The following SH3RF3 variants were observed in gnomAD, a reference collection of about 807,000 sequenced individuals.
SH3RF3 encodes SH3 domain containing ring finger 3.
In SH3RF3, 29 loss-of-function variants were observed where a neutral mutation model predicts 66.3. The ratio of observed to expected loss-of-function variants is 0.44; its 90% confidence interval spans 0.33 to 0.60. The LOEUF (loss-of-function observed/expected upper bound fraction) is 0.60. Among genes scored for constraint, SH3RF3 ranks in the 20% least tolerant of loss-of-function variants. The pLI is 0.04. For missense variants in SH3RF3, 1,194 were observed against 1,190.9 expected (o/e 1.00, Z -0.04); for synonymous variants, 583 against 532.0 (o/e 1.10, Z -1.32).
intron 1 of SH3RF3, among the ~76,000 whole-genome samples, chr2:109,235,711 C>T (rs192454801): frequency 1.3e-3 from 201 of 152,336 alleles, no homozygotes; most frequent in African/African-American, 4.4e-3. Flanking sequence ...GGTGTGCAGT[C>T]GAGGCATCCC....
chr2:109,274,147 ATCT>A (rs1680693652), intron 1 of SH3RF3, among the ~76,000 whole-genome samples: 1 of 152,230 alleles, frequency 6.6e-6, no homozygotes, highest in Admixed American at 6.5e-5. Context: ...AGTTCTGGAA[ATCT>A]TCTAGGATCT....
At position 109,475,535 on chromosome 2, in the gene SH3RF3, G is replaced by A. The variant is rs943835601; in HGVS notation, c.2149-15070G>A. Among the ~76,000 whole-genome samples the A allele has an allele frequency of 1.1e-4, 16 of 152,210 alleles. 1 individual carries two copies. The highest frequency in any genetic ancestry group is 6.3e-3 in the Middle Eastern group (2 of 316). ...TTCTGCCTCATACAGTTGGCTGTGG[G>A]TGGGGACAGGGACATATGCCACAGA... On this transcript the variant is annotated intron_variant, in intron 8 of 9. Transcript: ENST00000309415.
chr2:109,233,343 G>C (rs1169477854), intron 1 of SH3RF3, among the ~76,000 whole-genome samples: 1 of 152,166 alleles, frequency 6.6e-6, no homozygotes, highest in Non-Finnish European at 1.5e-5. Flanking sequence ...AGAGTGGGAA[G>C]ATAATCTTCC....
chr2:109,268,207 A>G (rs894942734), intron 1 of SH3RF3, among the ~76,000 whole-genome samples: 2 of 151,748 alleles, frequency 1.3e-5, no homozygotes, highest in African/African-American at 4.8e-5. Context: ...GAATAGGTTT[A>G]TCTTCCCCAG....
intron 1 of SH3RF3, among the ~76,000 whole-genome samples, chr2:109,199,171 A>G (rs1467976854): frequency 6.6e-6 from 1 of 151,866 alleles, no homozygotes; most frequent in African/African-American, 2.4e-5. Context: ...CATCCTGGCT[A>G]ACACGGTGAA....
chr2:109,374,937 C>T (rs143015437), intron 3 of SH3RF3, among the ~76,000 whole-genome samples: 26 of 152,362 alleles, frequency 1.7e-4, no homozygotes, highest in African/African-American at 6.0e-4. Flanking sequence ...GCTCTCCCTC[C>T]GTGGTTGTGT....
chr2:109,362,589 T>C (rs185552966), intron 2 of SH3RF3, among the ~76,000 whole-genome samples: 103 of 152,296 alleles, frequency 6.8e-4, no homozygotes, highest in Non-Finnish European at 7.6e-4. Flanking sequence ...AGTAGATTGA[T>C]GGTGCCATTA....
intron 1 of SH3RF3, among the ~76,000 whole-genome samples, chr2:109,345,902 A>C (rs932235342): frequency 1.3e-5 from 2 of 152,158 alleles, no homozygotes; most frequent in Admixed American, 1.3e-4. Context: ...TACTTGTTAC[A>C]TGTTGGTAGC....
chr2:109,468,974 A>T (rs557705310), intron 8 of SH3RF3, among the ~76,000 whole-genome samples: 1 of 149,588 alleles, frequency 6.7e-6, no homozygotes, highest in African/African-American at 2.5e-5. Flanking sequence ...CCCGGGGGCT[A>T]CTAGATGCAT....
At chr2:109,146,455 C>T (rs1677100362) in intron 1 of SH3RF3, among the ~76,000 whole-genome samples, 1 of 151,946 alleles carries the variant, frequency 6.6e-6, no homozygotes, top group Admixed American at 6.5e-5. Flanking sequence ...GCCAAGAGGC[C>T]TCCAGTGTGG....
intron 1 of SH3RF3, among the ~76,000 whole-genome samples, chr2:109,207,980 T>TC (rs1393541374): frequency 6.6e-6 from 1 of 152,164 alleles, no homozygotes; most frequent in African/African-American, 2.4e-5. Flanking sequence ...GCATTCCCCC[T>TC]CCCCCATTTT....
intron 3 of SH3RF3, among the ~76,000 whole-genome samples, chr2:109,397,459 C>G (rs1401952181): frequency 6.6e-6 from 1 of 152,126 alleles, no homozygotes; most frequent in Non-Finnish European, 1.5e-5. Flanking sequence ...AAAGAGTTCC[C>G]TCTGCTTTAT....
At chr2:109,390,407 A>G (rs1163969226) in intron 3 of SH3RF3, among the ~76,000 whole-genome samples, 1 of 152,178 alleles carries the variant, frequency 6.6e-6, no homozygotes, top group Non-Finnish European at 1.5e-5. Context: ...ATGGACTTGG[A>G]CACATTCCTA....
At chr2:109,428,427 A>C (rs996455483) in intron 5 of SH3RF3, among the ~76,000 whole-genome samples, 2 of 152,256 alleles carry the variant, frequency 1.3e-5, no homozygotes, top group Non-Finnish European at 2.9e-5. Flanking sequence ...ACGTGAAAGC[A>C]GACACATGCC....
At chr2:109,408,681 A>G (rs540597722) in intron 4 of SH3RF3, among the ~76,000 whole-genome samples, 56 of 152,378 alleles carry the variant, frequency 3.7e-4, no homozygotes, top group African/African-American at 1.0e-3. Flanking sequence ...AGACGGACAC[A>G]CTGAATTAGA....
At chr2:109,290,640 C>T (rs975491252) in intron 1 of SH3RF3, among the ~76,000 whole-genome samples, 3 of 152,220 alleles carry the variant, frequency 2.0e-5, no homozygotes, top group African/African-American at 4.8e-5. Flanking sequence ...CCAACTCAGA[C>T]GCCCTCCCTC....
intron 8 of SH3RF3, among the ~76,000 whole-genome samples, chr2:109,453,749 C>T (rs1464649572): frequency 6.6e-6 from 1 of 152,162 alleles, no homozygotes; most frequent in Non-Finnish European, 1.5e-5. Context: ...GGTAAACAGG[C>T]GATTGATTGC....
chr2:109,187,793 G>C (rs564570166), intron 1 of SH3RF3, among the ~76,000 whole-genome samples: 1 of 152,186 alleles, frequency 6.6e-6, no homozygotes, highest in Non-Finnish European at 1.5e-5. Context: ...GCTTGCTTCC[G>C]ACTTCCCTCT....
intron 4 of SH3RF3, among the ~76,000 whole-genome samples, chr2:109,402,567 C>G (rs1470663623): frequency 6.6e-6 from 1 of 152,220 alleles, no homozygotes; most frequent in East Asian, 1.9e-4. Flanking sequence ...GCAGTGCTGG[C>G]CCCAGCAAGG....
Sources: gnomAD v4.1 joint callset for allele counts (sites outside exome capture counted in the v4.1 genomes callset) on GRCh38, gnomAD v4.1.1 for gene constraint, MANE v1.5 for transcripts, NCBI Gene and HGNC (gene_info 2026-07-23, HGNC 2026-07-21) for gene names.